Variants in OPHN1 observed in about 807,000 individuals in gnomAD.
OPHN1 encodes oligophrenin-1.
A neutral mutation model predicts 60.7 loss-of-function variants in OPHN1; 11 were observed. That is an observed-to-expected ratio of 0.18 (90% CI 0.11 to 0.30). OPHN1 has a LOEUF of 0.30. Among genes scored for constraint, OPHN1 ranks in the 10% least tolerant of loss-of-function variants. The probability of loss-of-function intolerance (pLI) is 1.00; values close to 1 mark genes in which losing one functional copy is unlikely to be tolerated. For synonymous variants in OPHN1, 226 were observed against 222.6 expected (o/e 1.02, Z -0.14); for missense variants, 449 against 611.0 (o/e 0.73, Z 2.80).
intron 3 of OPHN1, among the ~76,000 whole-genome samples, chrX:68,298,749 G>T (rs764069494): frequency 1.8e-5 from 2 of 112,069 alleles, no homozygotes; most frequent in East Asian, 5.6e-4. Context: ...TTAAAGAAAA[G>T]GTCGCTTGCA....
chrX:68,313,486 A>T (rs1035551174), intron 2 of OPHN1, among the ~76,000 whole-genome samples: 2 of 112,175 alleles, frequency 1.8e-5, no homozygotes, highest in African/African-American at 6.5e-5. Context: ...TTCTTTTTTT[A>T]TGGCTGAATA....
At chrX:68,313,049 C>T (rs778895160) in intron 2 of OPHN1, among the ~76,000 whole-genome samples, 1 of 110,672 alleles carries the variant, frequency 9.0e-6, no homozygotes, top group African/African-American at 3.3e-5. Flanking sequence ...TGTTGCAGTG[C>T]GTGATGATCC....
At chrX:68,066,441 A>G (rs887202752) in intron 20 of OPHN1, among the ~76,000 whole-genome samples, 6 of 111,732 alleles carry the variant, frequency 5.4e-5, no homozygotes, top group African/African-American at 2.0e-4. Context: ...TCAGGAAAGT[A>G]TCTTCTGCTG....
chrX:68,314,508 C>A (rs183868179), intron 2 of OPHN1, among the ~76,000 whole-genome samples: 1 of 103,121 alleles, frequency 9.7e-6, no homozygotes, highest in Non-Finnish European at 2.0e-5. Context: ...GCAACAAGAG[C>A]GAAACTCCAT....
chrX:68,295,502 C>T (rs1468657062), intron 3 of OPHN1, among the ~76,000 whole-genome samples: 7 of 112,324 alleles, frequency 6.2e-5, no homozygotes, highest in African/African-American at 2.3e-4. Context: ...TTAATGTTAC[C>T]AAGATCCCAT....
intron 2 of OPHN1, among the ~76,000 whole-genome samples, chrX:68,425,134 G>A (rs1439024825): frequency 9.0e-6 from 1 of 111,517 alleles, no homozygotes; most frequent in African/African-American, 3.3e-5. Flanking sequence ...ATCCCAAAGG[G>A]ATTAAAAGCT....
At chrX:68,300,568 T>C (rs917473510) in intron 2 of OPHN1, among the ~76,000 whole-genome samples, 2 of 112,392 alleles carry the variant, frequency 1.8e-5, no homozygotes, top group Non-Finnish European at 3.7e-5. Context: ...GCCACATGAA[T>C]GTGACAAGTG....
chrX:68,266,286 G>A (rs1012570431), intron 5 of OPHN1, among the ~76,000 whole-genome samples: 11 of 111,539 alleles, frequency 9.9e-5, no homozygotes, highest in Admixed American at 4.8e-4. Flanking sequence ...AAGAAAGGTC[G>A]GGTTACCCAC....
chrX:68,248,422 AT>A (rs1297193434), intron 5 of OPHN1, among the ~76,000 whole-genome samples: 1 of 112,130 alleles, frequency 8.9e-6, no homozygotes. Context: ...AATGGCTTAT[AT>A]CCAAAAGACA....
chrX:68,152,303 G>A (rs1379444367), intron 15 of OPHN1, among the ~76,000 whole-genome samples: 1 of 110,563 alleles, frequency 9.0e-6, no homozygotes, highest in African/African-American at 3.3e-5. Context: ...AATTGACAAA[G>A]TTTCTTGTGT....
chrX:68,253,211 A>C (rs2147552643), intron 5 of OPHN1, among the ~76,000 whole-genome samples: 1 of 111,760 alleles, frequency 8.9e-6, no homozygotes, highest in Non-Finnish European at 1.9e-5. Context: ...TAAGTAAAAT[A>C]AACCATATAG....
At chrX:68,094,832 C>A (rs960957160) in intron 19 of OPHN1, among the ~76,000 whole-genome samples, 6 of 110,944 alleles carry the variant, frequency 5.4e-5, no homozygotes, top group African/African-American at 2.0e-4. Context: ...CTTGTTGTAC[C>A]GTGAATATGA....
At position 68,073,318 on chromosome X, in the gene OPHN1, G is replaced by A. The variant is rs1388038836; in HGVS notation, c.1687-19C>T. On this transcript the variant is annotated intron_variant, in intron 19 of 24. Transcript: ENST00000355520. ...AATAGATCTGTGGAGAAAGAAGGAAGATATCTAGAGAATAATTAGATCAAG... is the reference window on the plus strand; with the variant it reads ...AATAGATCTGTGGAGAAAGAAGGAAAATATCTAGAGAATAATTAGATCAAG... The A allele has an allele frequency of 2.5e-6, 3 of 1,180,236 alleles. No individual in the cohort carries two copies. In the African/African-American group the frequency reaches 5.3e-5, roughly 21 times the overall value.
intron 2 of OPHN1, among the ~76,000 whole-genome samples, chrX:68,354,754 C>CAAA (rs57233437): frequency 7.7e-4 from 36 of 46,530 alleles, no homozygotes; most frequent in African/African-American, 2.0e-3. Context: ...GACTCCGTCT[C>CAAA]AAAAAAAAAA....
chrX:68,268,450 A>G, intron 5 of OPHN1, among the ~76,000 whole-genome samples: 1 of 112,095 alleles, frequency 8.9e-6, no homozygotes, highest in Middle Eastern at 4.6e-3. Flanking sequence ...GCAAATCAAT[A>G]AACGTAATCC....
chrX:68,243,569 G>A (rs1011256012), intron 5 of OPHN1, among the ~76,000 whole-genome samples: 2 of 110,152 alleles, frequency 1.8e-5, no homozygotes, highest in Admixed American at 9.7e-5. Flanking sequence ...TGTATTTTTG[G>A]TAGAGACAGG....
intron 2 of OPHN1, among the ~76,000 whole-genome samples, chrX:68,327,025 G>A (rs1424020862): frequency 1.9e-5 from 1 of 51,316 alleles, no homozygotes; most frequent in Admixed American, 1.9e-4. Flanking sequence ...GTCCGGGAGG[G>A]AGGTGGGGGG....
chrX:68,183,253 G>C (rs2077446502), intron 15 of OPHN1, among the ~76,000 whole-genome samples: 1 of 111,877 alleles, frequency 8.9e-6, no homozygotes, highest in Admixed American at 9.5e-5. Flanking sequence ...GTAGAGAAGA[G>C]GAGGTGATTA....
chrX:68,317,718 G>T (rs868714476), intron 2 of OPHN1, among the ~76,000 whole-genome samples: 1 of 108,342 alleles, frequency 9.2e-6, no homozygotes, highest in African/African-American at 3.4e-5. Flanking sequence ...AGAAAGAAAA[G>T]AAAAGAAAAG....
Sources: allele counts gnomAD v4.1 joint callset (sites outside exome capture counted in the v4.1 genomes callset), GRCh38; gene constraint gnomAD v4.1.1; transcripts MANE v1.5; gene names NCBI Gene and HGNC (gene_info 2026-07-23, HGNC 2026-07-21).